ST18: variants seen among roughly 807,000 people sequenced by gnomAD.
ST18 encodes ST18 C2H2C-type zinc finger transcription factor.
Under a neutral mutation model 110.0 loss-of-function variants are expected in ST18, and 50 were observed. The observed-to-expected ratio is 0.45, with a 90% confidence interval of 0.36 to 0.58. The LOEUF (loss-of-function observed/expected upper bound fraction) is 0.58. ST18 is among the 20% of genes least tolerant of loss of function. The pLI is 0.00. For synonymous variants in ST18, 461 were observed against 452.4 expected (o/e 1.02, Z -0.24); for missense variants, 1,306 against 1,280.1 (o/e 1.02, Z -0.31).
Position 52,163,955 on chromosome 8 carries a change from G to C in ST18, c.1400+31C>G, listed in dbSNP as rs768128781. On this transcript the variant is annotated intron_variant, in intron 13 of 25. Coordinates refer to ENST00000689386, the MANE Select transcript of ST18 (RefSeq NM_001352837.2). ...CGCTGTGCAGGAGCCTGGATGAAGA[G>C]AGCACTGAGAACATCGTTAGGGGTT... is the stretch of plus-strand genomic sequence containing the variant. The C allele has an allele frequency of 4.5e-6, 7 of 1,550,568 alleles. No individual in the cohort carries two copies. In the Admixed American group the frequency reaches 6.8e-5, roughly 15 times the overall value.
intron 24 of ST18, among the ~76,000 whole-genome samples, chr8:52,117,347 C>A (rs1202900589): frequency 6.6e-6 from 1 of 152,152 alleles, no homozygotes; most frequent in Non-Finnish European, 1.5e-5. Context: ...GGCTGGTGGT[C>A]CTATTTAGTA....
intron 2 of ST18, among the ~76,000 whole-genome samples, chr8:52,290,819 T>A (rs1435604632): frequency 1.3e-5 from 2 of 152,244 alleles, no homozygotes; most frequent in Non-Finnish European, 1.5e-5. Context: ...CGGCCTCTTG[T>A]GCTTTTCCTC....
intron 2 of ST18, among the ~76,000 whole-genome samples, chr8:52,356,703 G>A (rs1310946711): frequency 1.3e-5 from 2 of 152,096 alleles, no homozygotes; most frequent in African/African-American, 2.4e-5. Context: ...TTTTCAAAGA[G>A]TTGAAGGAAA....
At chr8:52,339,923 A>T (rs769256090) in intron 2 of ST18, among the ~76,000 whole-genome samples, 2 of 152,258 alleles carry the variant, frequency 1.3e-5, no homozygotes, top group Non-Finnish European at 2.9e-5. Flanking sequence ...CATTTTAAAT[A>T]ATTTGCCAAA....
chr8:52,275,735 G>C (rs2095221020), intron 2 of ST18, among the ~76,000 whole-genome samples: 1 of 152,064 alleles, frequency 6.6e-6, no homozygotes, highest in African/African-American at 2.4e-5. Context: ...TGCGAGCCCT[G>C]TTCATGAGTA....
intron 16 of ST18, among the ~76,000 whole-genome samples, chr8:52,145,701 G>A (rs2057012191): frequency 6.6e-6 from 1 of 152,196 alleles, no homozygotes; most frequent in Admixed American, 6.5e-5. Flanking sequence ...TGTTTAGAGA[G>A]TACATGCATG....
chr8:52,384,390 C>T (rs746667502), intron 2 of ST18, among the ~76,000 whole-genome samples: 31 of 152,236 alleles, frequency 2.0e-4, no homozygotes, highest in South Asian at 4.2e-4. Context: ...AACTCTTCCC[C>T]GCTTTCCCTC....
chr8:52,370,468 G>C (rs900227301), intron 2 of ST18, among the ~76,000 whole-genome samples: 2 of 152,056 alleles, frequency 1.3e-5, no homozygotes, highest in Non-Finnish European at 2.9e-5. Context: ...CTGCTTAGAG[G>C]GGGGAAGCTA....
chr8:52,265,478 A>C (rs2138747521), intron 2 of ST18, among the ~76,000 whole-genome samples: 1 of 152,352 alleles, frequency 6.6e-6, no homozygotes, highest in East Asian at 1.9e-4. Context: ...GAGGGCAAGC[A>C]AGCTGACCAA....
At chr8:52,365,636 TA>T (rs1827584585) in intron 2 of ST18, among the ~76,000 whole-genome samples, 2 of 150,958 alleles carry the variant, frequency 1.3e-5, no homozygotes, top group African/African-American at 4.9e-5. Flanking sequence ...AACACATCAA[TA>T]AAGATAATAG....
chr8:52,241,753 T>C (rs148411228), intron 2 of ST18, among the ~76,000 whole-genome samples: 5 of 152,374 alleles, frequency 3.3e-5, no homozygotes, highest in Admixed American at 1.3e-4. Flanking sequence ...AAAACTTTAG[T>C]ACATGAAAAA....
At chr8:52,244,801 G>C (rs2093713411) in intron 2 of ST18, among the ~76,000 whole-genome samples, 1 of 152,140 alleles carries the variant, frequency 6.6e-6, no homozygotes, top group Admixed American at 6.5e-5. Flanking sequence ...ATAATTATAT[G>C]CATCAATAAA....
At chr8:52,237,165 A>T (rs998896777) in intron 2 of ST18, among the ~76,000 whole-genome samples, 35 of 152,224 alleles carry the variant, frequency 2.3e-4, no homozygotes, top group African/African-American at 8.2e-4. Context: ...CCATAATCCA[A>T]AAAGAGATCA....
chr8:52,162,455 T>C (rs1272155695), intron 13 of ST18, among the ~76,000 whole-genome samples: 12 of 152,220 alleles, frequency 7.9e-5, no homozygotes, highest in Non-Finnish European at 1.5e-5. Flanking sequence ...ATTCCTGAAT[T>C]GGGAGTTTCT....
chr8:52,252,014 G>A (rs529949280), intron 2 of ST18, among the ~76,000 whole-genome samples: 1 of 152,088 alleles, frequency 6.6e-6, no homozygotes, highest in African/African-American at 2.4e-5. Context: ...AGTCACGCAA[G>A]TTATATTTTT....
chr8:52,245,630 AG>A (rs2093784743), intron 2 of ST18, among the ~76,000 whole-genome samples: 1 of 152,170 alleles, frequency 6.6e-6, no homozygotes, highest in South Asian at 2.1e-4. Flanking sequence ...ATATTTTCAT[AG>A]AATTACCAAG....
intron 16 of ST18, among the ~76,000 whole-genome samples, chr8:52,147,051 A>G (rs958599575): frequency 2.0e-5 from 3 of 152,208 alleles, no homozygotes; most frequent in African/African-American, 7.2e-5. Flanking sequence ...CTGAATTCCC[A>G]CATAGCTTCT....
chr8:52,185,832 T>G (rs2071887806), intron 8 of ST18, among the ~76,000 whole-genome samples: 1 of 151,976 alleles, frequency 6.6e-6, no homozygotes, highest in Non-Finnish European at 1.5e-5. Context: ...TGTGAGATAT[T>G]ACCTTCAAAA....
intron 2 of ST18, among the ~76,000 whole-genome samples, chr8:52,280,419 T>A (rs923530644): frequency 6.6e-6 from 1 of 152,200 alleles, no homozygotes; most frequent in Non-Finnish European, 1.5e-5. Flanking sequence ...TATATACATG[T>A]ACATATTACA....
Sources: gnomAD v4.1 joint callset for allele counts (sites outside exome capture counted in the v4.1 genomes callset) on GRCh38, gnomAD v4.1.1 for gene constraint, MANE v1.5 for transcripts, NCBI Gene and HGNC (gene_info 2026-07-23, HGNC 2026-07-21) for gene names.